The following KNTC1 variants were observed in gnomAD, a reference collection of about 807,000 sequenced individuals.
The protein encoded by KNTC1 is kinetochore-associated protein 1.
KNTC1 carries 253 observed loss-of-function variants against 314.4 expected under a neutral mutation model. The ratio of observed to expected loss-of-function variants is 0.80; its 90% CI spans 0.73 to 0.89. KNTC1 has a LOEUF of 0.89. KNTC1 is among the 40% of genes least tolerant of loss of function. KNTC1 has a pLI of 0.00. For synonymous variants in KNTC1, 901 were observed against 901.4 expected (o/e 1.00, Z 0.01); for missense variants, 2,475 against 2,572.9 (o/e 0.96, Z 0.82).
At chr12:122,549,548 A>T (rs984570968) in intron 12 of KNTC1, among the ~76,000 whole-genome samples, 2 of 150,816 alleles carry the variant, frequency 1.3e-5, no homozygotes, top group African/African-American at 4.9e-5. Context: ...TTTGTATTTT[A>T]GTAGACAGGG....
chr12:122,530,280 A>G, intron 2 of KNTC1, 88 bp downstream of exon 2: 1 of 1,163,020 alleles, frequency 8.6e-7, no homozygotes, highest in Non-Finnish European at 1.2e-6. Context: ...TATTTTGTGA[A>G]TGAACATAGC....
intron 5 of KNTC1, among the ~76,000 whole-genome samples, chr12:122,540,555 A>T (rs143434212): frequency 7.9e-5 from 12 of 152,230 alleles, no homozygotes; most frequent in African/African-American, 2.6e-4. Flanking sequence ...CTCTTTTTAG[A>T]TGTTTAAATA....
In KNTC1 at chr12:122,584,356, G is replaced by C. The variant is rs1377407657; in HGVS notation, c.3342G>C (p.Leu1114Phe). ...FLTCQKLCQM[L>F]ADNVPVTVPV... is the part of the protein sequence containing the mutation. The stretch of plus-strand genomic sequence containing the variant: ...CATGTCAGAAGCTTTGTCAGATGTT[G>C]GCTGATAATGTCCCAGTGACAGTGC... Residue 1114 changes from leucine (L) to phenylalanine (F), a missense_variant, in exon 35 of 64, where the codon TTG (leucine) becomes TTC (phenylalanine). Physicochemically the swap from Leu to Phe is conservative, Grantham distance 22. Coordinates refer to ENST00000333479, the MANE Select transcript of KNTC1 (RefSeq NM_014708.6). 1.1e-5 allele frequency: 17 copies of C among 1,613,442 alleles called. No individual in the cohort carries two copies. Among genetic ancestry groups the C allele is most frequent in the Admixed American group, 3.3e-5 (2 of 59,976 alleles).
intron 31 of KNTC1, among the ~76,000 whole-genome samples, chr12:122,578,048 G>T (rs1047286717): frequency 1.1e-4 from 17 of 152,122 alleles, no homozygotes; most frequent in Admixed American, 1.1e-3. Context: ...TGTTGTACAC[G>T]AAAGGTTTCT....
At chr12:122,540,210 T>C (rs917655890) in intron 5 of KNTC1, among the ~76,000 whole-genome samples, 1 of 151,122 alleles carries the variant, frequency 6.6e-6, no homozygotes, top group Non-Finnish European at 1.5e-5. Context: ...GTCCCTCTTG[T>C]CCCCCAGGCT....
intron 28 of KNTC1, 24 bp downstream of exon 28, chr12:122,575,670 A>G (rs1408791440): frequency 3.3e-6 from 5 of 1,530,148 alleles, no homozygotes; most frequent in African/African-American, 1.4e-5. Context: ...CTACGAAACA[A>G]TGTTGTTATG....
chr12:122,554,076 A>AAAAAATATATATATATAT (rs370146333), intron 16 of KNTC1, among the ~76,000 whole-genome samples: 21 of 109,050 alleles, frequency 1.9e-4, no homozygotes, highest in African/African-American at 5.1e-4. Flanking sequence ...AAAAAAAAAA[A>AAAAAATATATATATATAT]ATATATATAT....
rs551983416 is a variant in KNTC1, at chr12:122,541,138, G to A, written c.446-912G>A. 2.0e-4 allele frequency among the ~76,000 whole-genome samples: 31 copies of A among 151,976 alleles called. No homozygotes were observed. The South Asian group carries it at 6.4e-3, about 32-fold the overall frequency. On this transcript the variant is annotated intron_variant, in intron 5 of 63. Transcript: ENST00000333479. ...CTGCACTGCAGTGTCTGGCCTGCGA[G>A]TGCAGGCCATTGCACTCCAGCCTGG...
chr12:122,607,948 C>G (rs1039058117), intron 51 of KNTC1, among the ~76,000 whole-genome samples: 1 of 152,152 alleles, frequency 6.6e-6, no homozygotes, highest in African/African-American at 2.4e-5. Flanking sequence ...TCATTAACAA[C>G]TAAAATTTAA....
chr12:122,624,449 G>A (rs905817423), intron 62 of KNTC1, 149 bp from the exon 63 acceptor site: 4 of 524,692 alleles, frequency 7.6e-6, no homozygotes, highest in Non-Finnish European at 1.4e-5. Flanking sequence ...TATATTTTTT[G>A]TAGAGACAGG....
At chr12:122,554,076 A>AAAACATATATATATATATATAT (rs370146333) in intron 16 of KNTC1, among the ~76,000 whole-genome samples, 1 of 109,064 alleles carries the variant, frequency 9.2e-6, no homozygotes, top group Non-Finnish European at 1.8e-5. Context: ...AAAAAAAAAA[A>AAAACATATATATATATATATAT]ATATATATAT....
chr12:122,617,527 G>C (rs1873902415), intron 57 of KNTC1: 1 of 243,724 alleles, frequency 4.1e-6, no homozygotes, highest in Admixed American at 4.8e-5. Context: ...CCTGGCCAGT[G>C]TTCTTTCCTT....
At chr12:122,576,083 G>A (rs1204553180) in intron 29 of KNTC1, among the ~76,000 whole-genome samples, 184 bp downstream of exon 29, 1 of 152,074 alleles carries the variant, frequency 6.6e-6, no homozygotes, top group African/African-American at 2.4e-5. Flanking sequence ...TTTTGACATG[G>A]AGTTTCGCTC....
At chr12:122,613,060 C>T in intron 53 of KNTC1, 52 bp from the exon 54 acceptor site, 2 of 908,676 alleles carry the variant, frequency 2.2e-6, no homozygotes, top group South Asian at 1.4e-5. Flanking sequence ...ACTCATTTAC[C>T]CAACTACAAT....
rs149700749 is a variant in KNTC1 at position 122,594,959 on chromosome 12, C to T, written c.4355+574C>T. ...GTGCAGTGGCGTAATCTCAGCTCACCGCAGCCTCCACCTTCAAGCCATTCT... is the reference window on the plus strand; with the variant it reads ...GTGCAGTGGCGTAATCTCAGCTCACTGCAGCCTCCACCTTCAAGCCATTCT... On this transcript the variant is annotated intron_variant, in intron 43 of 63. Coordinates refer to ENST00000333479, the MANE Select transcript of KNTC1 (RefSeq NM_014708.6). 5.0e-3 allele frequency among the ~76,000 whole-genome samples: 761 copies of T among 152,230 alleles called. 5 individuals are homozygous for T. The highest frequency in any genetic ancestry group is 0.018 in the African/African-American group (728 of 41,542).
intron 4 of KNTC1, 73 bp downstream of exon 4, chr12:122,538,527 A>G (rs577419510): frequency 1.1e-3 from 904 of 826,988 alleles, no homozygotes; most frequent in Non-Finnish European, 1.4e-3. Flanking sequence ...AAACTCTAGC[A>G]AACTATTACT....
Position 122,577,555 on chromosome 12 carries a change from A to G in KNTC1, c.2722-117A>G, listed in dbSNP as rs1965110949. 3 of 1,032,148 alleles carry G rather than the reference A, an allele frequency of 2.9e-6. No individual in the cohort carries two copies. The South Asian group carries it at 6.0e-5, about 21-fold the overall frequency. 63.9% of individuals were successfully genotyped at this position (1,032,148 alleles called of 1,614,324 possible). On this transcript the variant is annotated intron_variant, in intron 30 of 63. Transcript: ENST00000333479. Reference sequence around the variant, plus strand: ...TTTCGGATTATTAAAACATTGAACCATAATCTGTTTTTCCAAATGATGTAT... The same window carrying G: ...TTTCGGATTATTAAAACATTGAACCGTAATCTGTTTTTCCAAATGATGTAT...
At chr12:122,542,151 T>G in intron 6 of KNTC1, 24 bp downstream of exon 6, 1 of 1,370,514 alleles carries the variant, frequency 7.3e-7, no homozygotes, top group Non-Finnish European at 9.9e-7. Flanking sequence ...TATATTTTTA[T>G]TATTGATTTG....
intron 43 of KNTC1, among the ~76,000 whole-genome samples, chr12:122,596,411 G>T (rs1871059685): frequency 2.0e-5 from 3 of 151,360 alleles, no homozygotes; most frequent in Admixed American, 2.0e-4. Context: ...TAGAGATGGG[G>T]TTTCACCATA....
Sources: gnomAD v4.1 joint callset for allele counts (sites outside exome capture counted in the v4.1 genomes callset) on GRCh38, gnomAD v4.1.1 for gene constraint, MANE v1.5 for transcripts, NCBI Gene and HGNC (gene_info 2026-07-23, HGNC 2026-07-21) for gene names.